MEIOSIN: variants seen among roughly 807,000 people sequenced by gnomAD.
MEIOSIN encodes meiosis initiator protein.
MEIOSIN carries 18 observed loss-of-function variants against 23.4 expected under a neutral mutation model. That is an observed-to-expected ratio of 0.77 (90% CI 0.53 to 1.14). MEIOSIN has a LOEUF of 1.14. Among genes scored for constraint, MEIOSIN ranks in the 50% most tolerant of loss-of-function variants. The pLI, the probability that MEIOSIN is intolerant of heterozygous loss-of-function variation, is 0.00. For synonymous variants in MEIOSIN, 187 were observed against 100.6 expected, an observed-to-expected ratio of 1.86 and a Z score of -5.14; for missense variants, 428 against 242.9, an observed-to-expected ratio of 1.76 and a Z score of -5.07.
At chr19:45,744,067 G>A (rs1332824061) in intron 3 of MEIOSIN, among the ~76,000 whole-genome samples, 1 of 146,958 alleles carries the variant, frequency 6.8e-6, no homozygotes, top group Non-Finnish European at 1.5e-5. Flanking sequence ...TTTTTTTTGA[G>A]ACAGTCTGGC....
intron 11 of MEIOSIN, 130 bp from the exon 12 acceptor site, chr19:45,761,549 C>T (rs1968942601): frequency 2.3e-5 from 13 of 553,594 alleles, no homozygotes; most frequent in Admixed American, 1.2e-4. Context: ...GGGTTACAGG[C>T]GTAAGCCACC....
intron 5 of MEIOSIN, among the ~76,000 whole-genome samples, chr19:45,752,199 C>T (rs1968726053): frequency 1.3e-5 from 2 of 151,800 alleles, no homozygotes; most frequent in Non-Finnish European, 1.5e-5. Flanking sequence ...ACTACAGGCA[C>T]GTGCCACCAA....
rs147747133 is a variant in MEIOSIN at position 45,758,776 on chromosome 19, C to T, written c.1013-102C>T. The T allele has an allele frequency of 7.2e-4, 443 of 617,234 alleles. 4 individuals are homozygous for T. The highest frequency in any genetic ancestry group is 6.4e-3 in the African/African-American group (347 of 54,426). 38.2% of individuals were successfully genotyped at this position (617,234 alleles called of 1,614,324 possible). A position where few individuals can be genotyped will look rare whatever the true frequency, so the allele number is the denominator to read the frequency against. ...GAATTCAAAATGAGAAACTGAGATT[C>T]GCTTTCCGTAGCATCAGGCACTATC... On this transcript the variant is annotated intron_variant, in intron 9 of 14. Transcript: ENST00000457052.
chr19:45,764,023 G>A lies in MEIOSIN; in HGVS notation c.1822G>A (p.Gly608Ser), dbSNP rs765371232. ...RQHNRIVKQD[G>S]SSSEAEDWET... ...GCACAACCGCATCGTGAAGCAGGAC[G>A]GCTCCAGCAGCGAGGCTGAGGACTG... is the stretch of plus-strand genomic sequence containing the variant. The change falls in exon 15 of 15, where the codon GGC becomes AGC. Residue 608 changes from glycine (G) to serine (S), a missense_variant. Gly to Ser is a moderately conservative substitution (Grantham distance 56). Transcript: ENST00000457052. The A allele has an allele frequency of 1.3e-5, 5 of 398,510 alleles. No individual in the cohort carries two copies. The highest frequency in any genetic ancestry group is 4.1e-5 in the African/African-American group (2 of 48,630). The allele number at this position is 398,510 out of a possible 1,614,324, so 24.7% of individuals were successfully genotyped here.
chr19:45,735,261 G>C, intron 1 of MEIOSIN, 116 bp from the exon 2 acceptor site: 2 of 619,842 alleles, frequency 3.2e-6, no homozygotes, highest in South Asian at 3.7e-5. Flanking sequence ...CTTATTTTGG[G>C]ATCTCTGGGT....
At chr19:45,735,530 G>A (rs1283378598) in intron 2 of MEIOSIN, 83 bp downstream of exon 2, 8 of 649,848 alleles carry the variant, frequency 1.2e-5, no homozygotes, top group South Asian at 3.3e-5. Flanking sequence ...AGCATTTACC[G>A]TTTGCTAGAC....
At chr19:45,750,008 A>T (rs1202843250) in intron 4 of MEIOSIN, among the ~76,000 whole-genome samples, 1 of 150,526 alleles carries the variant, frequency 6.6e-6, no homozygotes, top group Non-Finnish European at 1.5e-5. Context: ...TGTCTCAAAA[A>T]AAAAAAAAAA....
At chr19:45,755,231 C>T (rs1968801048) in intron 7 of MEIOSIN, among the ~76,000 whole-genome samples, 1 of 150,500 alleles carries the variant, frequency 6.6e-6, no homozygotes, top group Admixed American at 6.6e-5. Flanking sequence ...CTCACTGCAA[C>T]CTCTGCCTCC....
chr19:45,755,594 G>T (rs545645336), intron 7 of MEIOSIN, among the ~76,000 whole-genome samples: 1 of 152,086 alleles, frequency 6.6e-6, no homozygotes, highest in South Asian at 2.1e-4. Flanking sequence ...TGGGACAGGC[G>T]CCCGCACCCA....
rs1014209178 is a variant in MEIOSIN, at chr19:45,745,255, C to T, written c.240C>T (p.Ser80=). 1.4e-5 allele frequency: 10 copies of T among 702,876 alleles called. No individual in the cohort carries two copies. In the Admixed American group the frequency reaches 2.0e-4, roughly 14 times the overall value. The allele number at this position is 702,876 out of a possible 1,614,324, so 43.5% of individuals were successfully genotyped here. A position where few individuals can be genotyped will look rare whatever the true frequency, so the allele number is the denominator to read the frequency against. The change falls in exon 4 of 15, where the codon AGC becomes AGT. Residue 80 remains serine (S), a synonymous_variant. Transcript: ENST00000457052. ...PNKKQRKNHT[S]KLQELALLLP... ...AGAAGCAGAGGAAAAACCACACTAG[C>T]AAGCTGCAAGAGTTGGCACTGCTGC...
At position 45,764,391 on chromosome 19, in the gene MEIOSIN, A is replaced by G. The variant is rs1383646190; in HGVS notation, c.*273A>G. The G allele has an allele frequency of 2.9e-6, 1 of 342,904 alleles. No homozygotes were observed. The highest frequency in any genetic ancestry group is 5.2e-6 in the Non-Finnish European group (1 of 193,724). The allele number at this position is 342,904 out of a possible 1,614,324, so 21.2% of individuals were successfully genotyped here. ...GGGTGTCGGAAGGTGAAGTTTACCCACCCCTCTCCCCTTCCCTTCCCCACC... is the reference window on the plus strand; with the variant it reads ...GGGTGTCGGAAGGTGAAGTTTACCCGCCCCTCTCCCCTTCCCTTCCCCACC... On this transcript the variant is annotated 3_prime_UTR_variant, in exon 15 of 15. Transcript: ENST00000457052.
chr19:45,752,810 A>G (rs1968738350), intron 5 of MEIOSIN, among the ~76,000 whole-genome samples: 1 of 151,732 alleles, frequency 6.6e-6, no homozygotes, highest in East Asian at 1.9e-4. Context: ...CACACACATC[A>G]TCTCCATGCC....
intron 11 of MEIOSIN, 105 bp downstream of exon 11, chr19:45,759,595 C>A: frequency 1.5e-6 from 1 of 659,840 alleles, no homozygotes; most frequent in Non-Finnish European, 2.8e-6. Flanking sequence ...TTTCAGCCAC[C>A]ATCTACCCAT....
intron 2 of MEIOSIN, 61 bp from the exon 3 acceptor site, chr19:45,739,565 T>C (rs1968464528): frequency 1.4e-6 from 1 of 700,702 alleles, no homozygotes; most frequent in African/African-American, 1.7e-5. Context: ...TTGACTCTGA[T>C]TGGCCAAACC....
intron 5 of MEIOSIN, among the ~76,000 whole-genome samples, chr19:45,751,272 A>AGATAATAAT (rs1968699594): frequency 7.3e-6 from 1 of 136,430 alleles, no homozygotes; most frequent in South Asian, 2.4e-4. Context: ...ACTGTGTCTC[A>AGATAATAAT]AATAATAATA....
chr19:45,757,675 C>T (rs1886544306), intron 9 of MEIOSIN, among the ~76,000 whole-genome samples: 1 of 151,976 alleles, frequency 6.6e-6, no homozygotes, highest in Non-Finnish European at 1.5e-5. Flanking sequence ...TGCCCACCAC[C>T]ATGCCCAGCT....
intron 3 of MEIOSIN, 100 bp downstream of exon 3, chr19:45,739,830 G>A: frequency 3.1e-6 from 2 of 653,088 alleles, no homozygotes; most frequent in South Asian, 3.3e-5. Flanking sequence ...ACAAATGACT[G>A]TACACACATG....
At chr19:45,745,837 G>T (rs1412974116) in intron 4 of MEIOSIN, among the ~76,000 whole-genome samples, 1 of 152,108 alleles carries the variant, frequency 6.6e-6, no homozygotes, top group Non-Finnish European at 1.5e-5. Flanking sequence ...CTCCGAAAGT[G>T]CTGGGATTAC....
At chr19:45,739,855 T>TTC in intron 3 of MEIOSIN, 125 bp downstream of exon 3, 1 of 581,090 alleles carries the variant, frequency 1.7e-6, no homozygotes, top group South Asian at 2.0e-5. Context: ...CTTTCTTCCT[T>TTC]TTTTTTTTTG....
Sources: gnomAD v4.1 joint callset for allele counts (sites outside exome capture counted in the v4.1 genomes callset) on GRCh38, gnomAD v4.1.1 for gene constraint, MANE v1.5 for transcripts, NCBI Gene and HGNC (gene_info 2026-07-23, HGNC 2026-07-21) for gene names.